The following SCARA5 variants were observed in gnomAD, a reference collection of about 807,000 sequenced individuals.
The protein encoded by SCARA5 is scavenger receptor class A, member 5 (putative).
SCARA5 carries 45 observed loss-of-function variants against 46.3 expected under a neutral mutation model. That is an observed-to-expected ratio of 0.97 (90% CI 0.76 to 1.24). The LOEUF (loss-of-function observed/expected upper bound fraction) is 1.24, where lower values mean the gene tolerates loss of function less well. Among genes scored for constraint, SCARA5 ranks in the 50% most tolerant of loss-of-function variants. The pLI is 0.00. For synonymous variants in SCARA5, 333 were observed against 306.5 expected (o/e 1.09, Z -0.90); for missense variants, 680 against 689.0 (o/e 0.99, Z 0.15).
rs550957265 is a variant in SCARA5, at chr8:27,981,819, G to A, written c.112+5685C>T. Among the ~76,000 whole-genome samples, 13 of 152,322 alleles carry A rather than the reference G, an allele frequency of 8.5e-5. 1 individual carries two copies. The South Asian group carries it at 2.7e-3, about 32-fold the overall frequency. ...CCATGCTCTCTGCTTGGCATGGGCT[G>A]TAGCTCTGAACTGGGTTAATAGTCC... On this transcript the variant is annotated intron_variant, in intron 2 of 8. Transcript: ENST00000354914.
chr8:27,960,672 A>T (rs1808280905), intron 3 of SCARA5, among the ~76,000 whole-genome samples: 1 of 152,222 alleles, frequency 6.6e-6, no homozygotes, highest in Non-Finnish European at 1.5e-5. Flanking sequence ...ATTTGAACCC[A>T]GAAGTCTGGC....
At chr8:27,942,310 C>T (rs1334770125) in intron 3 of SCARA5, among the ~76,000 whole-genome samples, 3 of 152,196 alleles carry the variant, frequency 2.0e-5, no homozygotes, top group Non-Finnish European at 4.4e-5. Context: ...CAGCTTTTCA[C>T]CCTCTTCACG....
intron 3 of SCARA5, among the ~76,000 whole-genome samples, chr8:27,929,237 G>A (rs1763234257): frequency 6.6e-6 from 1 of 152,092 alleles, no homozygotes; most frequent in Admixed American, 6.5e-5. Context: ...GCACAGCACT[G>A]CCTCCCCACC....
At chr8:27,991,550 A>G (rs1040041961) in intron 1 of SCARA5, among the ~76,000 whole-genome samples, 7 of 152,148 alleles carry the variant, frequency 4.6e-5, no homozygotes, top group Non-Finnish European at 7.3e-5. Flanking sequence ...GGGTAGCACG[A>G]GCCTCATTTG....
At chr8:27,884,830 T>C (rs1217703216) in intron 7 of SCARA5, among the ~76,000 whole-genome samples, 1 of 152,124 alleles carries the variant, frequency 6.6e-6, no homozygotes, top group African/African-American at 2.4e-5. Flanking sequence ...GCAATACAGC[T>C]AGTCAACAAA....
intron 2 of SCARA5, among the ~76,000 whole-genome samples, chr8:27,976,949 C>T (rs927712827): frequency 6.6e-6 from 1 of 152,224 alleles, no homozygotes; most frequent in African/African-American, 2.4e-5. Flanking sequence ...CCTGGCTTAG[C>T]CAGCCCCCCT....
chr8:27,987,816 G>A (rs980841633), intron 1 of SCARA5, among the ~76,000 whole-genome samples, 186 bp from the exon 2 acceptor site: 11 of 152,206 alleles, frequency 7.2e-5, no homozygotes, highest in Admixed American at 3.9e-4. Context: ...CCTTGGGGCC[G>A]TGATGCCCCC....
At chr8:27,884,396 G>A (rs1478565697) in intron 7 of SCARA5, among the ~76,000 whole-genome samples, 1 of 152,252 alleles carries the variant, frequency 6.6e-6, no homozygotes, top group Non-Finnish European at 1.5e-5. Context: ...GCAGCACCAA[G>A]AGGGACCCGG....
At chr8:27,969,744 T>C (rs894893943) in intron 2 of SCARA5, among the ~76,000 whole-genome samples, 7 of 152,132 alleles carry the variant, frequency 4.6e-5, no homozygotes, top group African/African-American at 1.7e-4. Context: ...AGGCTGTGCA[T>C]GGGAAGGGTG....
intron 7 of SCARA5, among the ~76,000 whole-genome samples, chr8:27,884,463 T>A (rs188795544): frequency 3.9e-5 from 6 of 152,318 alleles, no homozygotes; most frequent in Admixed American, 3.9e-4. Context: ...AGCCCTGGTT[T>A]CTCACAGACC....
At chr8:27,919,277 G>A (rs1240437198) in intron 4 of SCARA5, among the ~76,000 whole-genome samples, 1 of 151,406 alleles carries the variant, frequency 6.6e-6, no homozygotes, top group Non-Finnish European at 1.5e-5. Flanking sequence ...AAGAGAAGAG[G>A]TGAAGGAGGA....
intron 3 of SCARA5, among the ~76,000 whole-genome samples, chr8:27,932,690 G>T (rs569595497): frequency 1.3e-5 from 2 of 152,274 alleles, no homozygotes; most frequent in East Asian, 3.9e-4. Context: ...GGGCAATGGC[G>T]CAATCTCGGC....
At chr8:27,960,464 C>T (rs938414942) in intron 3 of SCARA5, among the ~76,000 whole-genome samples, 2 of 152,228 alleles carry the variant, frequency 1.3e-5, no homozygotes, top group Non-Finnish European at 2.9e-5. Context: ...GCATGAGCCA[C>T]TGTCCCAGCC....
At chr8:27,919,102 A>AGAG (rs1259493543) in intron 4 of SCARA5, among the ~76,000 whole-genome samples, 1 of 18,040 alleles carries the variant, frequency 5.5e-5, no homozygotes, top group African/African-American at 1.6e-4. Context: ...AGGAGAAGGA[A>AGAG]GAGGAGGAGG....
intron 3 of SCARA5, among the ~76,000 whole-genome samples, chr8:27,952,164 T>C (rs1425996725): frequency 6.6e-6 from 1 of 151,980 alleles, no homozygotes; most frequent in East Asian, 1.9e-4. Context: ...GCAATGAGCC[T>C]ACAAGCCAAG....
At chr8:27,909,893 G>T (rs147675779) in intron 4 of SCARA5, 150 bp from the exon 5 acceptor site, 2 of 553,822 alleles carry the variant, frequency 3.6e-6, no homozygotes, top group South Asian at 2.6e-5. Context: ...CCCAGTCTCG[G>T]GGGGCATCAG....
chr8:27,992,605 A>C lies in SCARA5; in HGVS notation c.-364T>G, dbSNP rs996129601. On this transcript the variant is annotated 5_prime_UTR_variant, in exon 1 of 9. Coordinates refer to ENST00000354914, the MANE Select transcript of SCARA5 (RefSeq NM_173833.6). ...GTAGCGATCAGGAGATGTTCTGAGGAGGCACCGGCAGCTCCTCTAGGTACT... is the reference window on the plus strand; with the variant it reads ...GTAGCGATCAGGAGATGTTCTGAGGCGGCACCGGCAGCTCCTCTAGGTACT... 1.1e-4 allele frequency: 16 copies of C among 152,376 alleles called. No individual in the cohort carries two copies. Among genetic ancestry groups the C allele is most frequent in the African/African-American group, 3.8e-4 (16 of 41,566 alleles). The allele number at this position is 152,376 out of a possible 1,614,324, so 9.4% of individuals were successfully genotyped here. A position where few individuals can be genotyped will look rare whatever the true frequency, so the allele number is the denominator to read the frequency against.
At chr8:27,973,539 T>C (rs1455004707) in intron 2 of SCARA5, among the ~76,000 whole-genome samples, 1 of 152,224 alleles carries the variant, frequency 6.6e-6, no homozygotes, top group East Asian at 1.9e-4. Flanking sequence ...GGGTCTCTGC[T>C]TGCTTCTTTG....
At chr8:27,904,529 G>A in intron 7 of SCARA5, 1 of 563,762 alleles carries the variant, frequency 1.8e-6, no homozygotes, top group Non-Finnish European at 3.2e-6. Flanking sequence ...AGTGACCGGG[G>A]GAAGCCTCCA....
Sources: gnomAD v4.1 joint callset for allele counts (sites outside exome capture counted in the v4.1 genomes callset) on GRCh38, gnomAD v4.1.1 for gene constraint, MANE v1.5 for transcripts, NCBI Gene and HGNC (gene_info 2026-07-23, HGNC 2026-07-21) for gene names.